Variants in RRBP1 observed in about 807,000 individuals in gnomAD.
RRBP1 encodes the protein ribosome binding protein 1.
RRBP1 carries 94 observed loss-of-function variants against 165.2 expected under a neutral mutation model. That is an observed-to-expected ratio of 0.57 (90% CI 0.48 to 0.68). The LOEUF is 0.68. Ranked by LOEUF, RRBP1 falls within the 30% of genes least tolerant of loss-of-function variation. The pLI, the probability that RRBP1 is intolerant of heterozygous loss-of-function variation, is 0.00. For synonymous variants in RRBP1, 680 were observed against 714.5 expected (o/e 0.95, Z 0.77); for missense variants, 1,676 against 1,763.0 (o/e 0.95, Z 0.88).
chr20:17,674,559 C>A (rs891640017), intron 2 of RRBP1, among the ~76,000 whole-genome samples: 2 of 151,850 alleles, frequency 1.3e-5, no homozygotes, highest in South Asian at 4.2e-4. Flanking sequence ...GTCAGGAGAT[C>A]GAGACCATCC....
At chr20:17,646,919 C>T (rs1003911281) in intron 3 of RRBP1, among the ~76,000 whole-genome samples, 17 of 152,234 alleles carry the variant, frequency 1.1e-4, no homozygotes, top group African/African-American at 3.6e-4. Flanking sequence ...CCCCCCACAT[C>T]AGCTGCTGGA....
intron 3 of RRBP1, among the ~76,000 whole-genome samples, chr20:17,651,302 G>C (rs1284660853): frequency 6.6e-6 from 1 of 152,188 alleles, no homozygotes; most frequent in East Asian, 1.9e-4. Context: ...ATCGTAAATT[G>C]TGAAACGTTT....
At position 17,617,966 on chromosome 20, in the gene RRBP1, C is replaced by A. The variant is rs549531463; in HGVS notation, c.3759+630G>T. 3.3e-5 allele frequency among the ~76,000 whole-genome samples: 5 copies of A among 152,356 alleles called. No individual in the cohort carries two copies. In the East Asian group the frequency reaches 9.7e-4, roughly 29 times the overall value. ...AGGCTGGGTGGAGCCTGCCAAGGAG[C>A]TGGGACTTGGCATCAGACACCTGAG... On this transcript the variant is annotated intron_variant, in intron 20 of 24. Transcript: ENST00000377813.
chr20:17,661,685 G>C (rs2036769143), intron 2 of RRBP1, among the ~76,000 whole-genome samples: 1 of 152,154 alleles, frequency 6.6e-6, no homozygotes. Flanking sequence ...GGGTGGTTAA[G>C]GGGAGGTAAA....
intron 13 of RRBP1, 32 bp downstream of exon 13, chr20:17,624,544 T>G: frequency 6.9e-7 from 1 of 1,439,538 alleles, no homozygotes; most frequent in Non-Finnish European, 9.6e-7. Context: ...GCACTTTCCA[T>G]GGTGGGGGTG....
intron 8 of RRBP1, among the ~76,000 whole-genome samples, chr20:17,631,371 T>C (rs1370122773): frequency 6.6e-6 from 1 of 152,102 alleles, no homozygotes; most frequent in Non-Finnish European, 1.5e-5. Context: ...TGACCACACA[T>C]GTTCTTCCGT....
chr20:17,674,769 A>T (rs2037044553), intron 2 of RRBP1, among the ~76,000 whole-genome samples: 1 of 152,084 alleles, frequency 6.6e-6, no homozygotes, highest in Admixed American at 6.5e-5. Context: ...AAAAAAAAGA[A>T]TTCTCCCTTC....
At chr20:17,614,944 C>T in intron 23 of RRBP1, 64 bp from the exon 24 acceptor site, 1 of 1,560,962 alleles carries the variant, frequency 6.4e-7, no homozygotes, top group Non-Finnish European at 8.7e-7. Context: ...CCCAGCTATG[C>T]CCACAGGACC....
intron 3 of RRBP1, among the ~76,000 whole-genome samples, chr20:17,656,281 C>G (rs868499650): frequency 3.9e-4 from 59 of 152,346 alleles, no homozygotes; most frequent in Middle Eastern, 3.4e-3. Flanking sequence ...GGCCCTGTCT[C>G]TGCCTCTTCC....
intron 8 of RRBP1, among the ~76,000 whole-genome samples, chr20:17,630,556 C>T (rs189915427): frequency 3.9e-4 from 59 of 152,298 alleles, no homozygotes; most frequent in Admixed American, 5.9e-4. Context: ...CCCACCACAC[C>T]CTTGTTTAGG....
chr20:17,619,545 G>C (rs932626054), intron 19 of RRBP1, 88 bp downstream of exon 19: 32 of 921,376 alleles, frequency 3.5e-5, no homozygotes, highest in Non-Finnish European at 5.0e-5. Context: ...GTCACCGAGA[G>C]CTGCTCCCAC....
intron 20 of RRBP1, 123 bp from the exon 21 acceptor site, chr20:17,616,962 C>T (rs2035813681): frequency 3.6e-6 from 3 of 829,306 alleles, no homozygotes; most frequent in Non-Finnish European, 5.9e-6. Flanking sequence ...CTTCAGGGGA[C>T]CTGGCTTGGT....
At chr20:17,619,588 C>A (rs768066429) in intron 19 of RRBP1, 45 bp downstream of exon 19, 1 of 1,436,536 alleles carries the variant, frequency 7.0e-7, no homozygotes, top group African/African-American at 1.4e-5. Flanking sequence ...GGGAGGACCG[C>A]AGATCTGCTG....
chr20:17,680,715 A>G (rs1374541928), intron 1 of RRBP1, among the ~76,000 whole-genome samples: 1 of 152,058 alleles, frequency 6.6e-6, no homozygotes, highest in Admixed American at 6.5e-5. Context: ...TCCGGGGTGT[A>G]GAACCCCGGC....
At position 17,654,049 on chromosome 20, in the gene RRBP1, A is replaced by AG. The variant is rs1442901243; in HGVS notation, c.1912+4546dup. Among the ~76,000 whole-genome samples the AG allele has an allele frequency of 4.6e-5, 7 of 152,208 alleles. No homozygotes were observed. The East Asian group carries it at 1.2e-3, about 25-fold the overall frequency. On this transcript the variant is annotated intron_variant, in intron 3 of 24. Coordinates refer to ENST00000377813, the MANE Select transcript of RRBP1 (RefSeq NM_001365613.2). ...TGTTTTGGTTTGATAATGGCCATGC[A>AG]GGGTCTGACCACTGCACTAAAGGAC... is the stretch of plus-strand genomic sequence containing the variant.
At chr20:17,636,080 G>T (rs2036242482) in intron 6 of RRBP1, among the ~76,000 whole-genome samples, 1 of 152,250 alleles carries the variant, frequency 6.6e-6, no homozygotes, top group Non-Finnish European at 1.5e-5. Flanking sequence ...CAGCAGGGAG[G>T]AGGTCGCAGC....
chr20:17,680,754 C>G (rs1024835032), intron 1 of RRBP1, among the ~76,000 whole-genome samples: 2 of 152,022 alleles, frequency 1.3e-5, no homozygotes, highest in African/African-American at 4.8e-5. Context: ...CCGCGCCCGC[C>G]GCAGTGCCGG....
chr20:17,676,994 C>T (rs543690458), intron 2 of RRBP1, among the ~76,000 whole-genome samples: 4 of 152,070 alleles, frequency 2.6e-5, no homozygotes, highest in South Asian at 4.2e-4. Flanking sequence ...GCGATCCACC[C>T]GCCTTGGCCT....
chr20:17,677,232 C>T (rs2037100176), intron 2 of RRBP1, among the ~76,000 whole-genome samples: 1 of 152,212 alleles, frequency 6.6e-6, no homozygotes, highest in Non-Finnish European at 1.5e-5. Flanking sequence ...TATACCCTAA[C>T]AGACCTTGTT....
Sources: gnomAD v4.1 joint callset for allele counts (sites outside exome capture counted in the v4.1 genomes callset) on GRCh38, gnomAD v4.1.1 for gene constraint, MANE v1.5 for transcripts, NCBI Gene and HGNC (gene_info 2026-07-23, HGNC 2026-07-21) for gene names.